Variants in RAB3C observed in about 807,000 individuals in gnomAD.
RAB3C encodes the protein RAB3C, member RAS oncogene family.
Under a neutral mutation model 26.4 loss-of-function variants are expected in RAB3C, and 17 were observed. The ratio of observed to expected loss-of-function variants is 0.64; its 90% confidence interval spans 0.44 to 0.97. The LOEUF (loss-of-function observed/expected upper bound fraction) is 0.97, where lower values mean the gene tolerates loss of function less well. RAB3C is among the 50% of genes least tolerant of loss of function. The pLI, the probability that RAB3C is intolerant of heterozygous loss-of-function variation, is 0.00. For missense variants in RAB3C, 242 were observed against 281.9 expected (o/e 0.86, Z 1.01); for synonymous variants, 91 against 95.9 (o/e 0.95, Z 0.30).
chr5:58,610,830 T>G (rs1579815422), intron 1 of RAB3C, among the ~76,000 whole-genome samples: 1 of 152,254 alleles, frequency 6.6e-6, no homozygotes, highest in East Asian at 1.9e-4. Context: ...TGGAGTTTGT[T>G]GTACAGATTA....
At chr5:58,793,521 C>A (rs1742576540) in intron 3 of RAB3C, among the ~76,000 whole-genome samples, 1 of 145,076 alleles carries the variant, frequency 6.9e-6, no homozygotes, top group Admixed American at 6.9e-5. Context: ...CGTGCCGCTG[C>A]ACTCCACCTC....
intron 2 of RAB3C, among the ~76,000 whole-genome samples, chr5:58,717,991 A>G (rs1001331949): frequency 4.6e-5 from 7 of 152,124 alleles, no homozygotes; most frequent in Non-Finnish European, 1.0e-4. Context: ...AGTCCCATTC[A>G]AAAGCCTGTT....
At chr5:58,621,703 G>A (rs1419577428) in intron 2 of RAB3C, among the ~76,000 whole-genome samples, 4 of 152,154 alleles carry the variant, frequency 2.6e-5, no homozygotes, top group African/African-American at 9.7e-5. Flanking sequence ...AGCCTCCAGA[G>A]TAGCTGGGAT....
intron 2 of RAB3C, among the ~76,000 whole-genome samples, chr5:58,708,061 G>A (rs1276727104): frequency 2.7e-5 from 4 of 150,522 alleles, no homozygotes; most frequent in African/African-American, 9.8e-5. Flanking sequence ...TACAATCACA[G>A]CTCACTGTAG....
intron 1 of RAB3C, among the ~76,000 whole-genome samples, chr5:58,599,840 G>T (rs1179112516): frequency 6.6e-6 from 1 of 152,062 alleles, no homozygotes; most frequent in Non-Finnish European, 1.5e-5. Context: ...ATGTGCAAAA[G>T]CTCTTTAGTT....
intron 1 of RAB3C, among the ~76,000 whole-genome samples, chr5:58,596,325 A>G (rs903804632): frequency 6.6e-6 from 1 of 151,530 alleles, no homozygotes; most frequent in Non-Finnish European, 1.5e-5. Flanking sequence ...ATTCACTTTC[A>G]GATTCCAAAC....
At chr5:58,614,695 G>C (rs1746787919) in intron 1 of RAB3C, among the ~76,000 whole-genome samples, 1 of 151,872 alleles carries the variant, frequency 6.6e-6, no homozygotes, top group African/African-American at 2.4e-5. Context: ...TGCTGTCCCA[G>C]TTGTGCTTGT....
At chr5:58,615,474 A>G (rs1746803981) in intron 1 of RAB3C, among the ~76,000 whole-genome samples, 3 of 152,216 alleles carry the variant, frequency 2.0e-5, no homozygotes, top group Admixed American at 6.5e-5. Flanking sequence ...CTGCAGGAAT[A>G]GCACTGCCAA....
intron 2 of RAB3C, among the ~76,000 whole-genome samples, chr5:58,711,098 G>A (rs539103010): frequency 5.9e-5 from 9 of 152,288 alleles, no homozygotes; most frequent in East Asian, 1.9e-4. Context: ...ATTTAATTGC[G>A]TATTTCATCT....
At chr5:58,846,687 A>T (rs1347844395) in intron 4 of RAB3C, among the ~76,000 whole-genome samples, 1 of 151,982 alleles carries the variant, frequency 6.6e-6, no homozygotes, top group African/African-American at 2.4e-5. Context: ...CCCATAATTT[A>T]GGTGATTCTA....
At chr5:58,662,374 T>G (rs898647526) in intron 2 of RAB3C, among the ~76,000 whole-genome samples, 1 of 150,162 alleles carries the variant, frequency 6.7e-6, no homozygotes, top group African/African-American at 2.5e-5. Context: ...CAGAACATGC[T>G]GAACTTGAAT....
chr5:58,705,769 C>G (rs1223815381), intron 2 of RAB3C, among the ~76,000 whole-genome samples: 1 of 152,146 alleles, frequency 6.6e-6, no homozygotes, highest in African/African-American at 2.4e-5. Flanking sequence ...CTCCCTCTGT[C>G]TTTCTTTAGA....
intron 2 of RAB3C, among the ~76,000 whole-genome samples, chr5:58,678,841 G>A (rs1748286877): frequency 6.6e-6 from 1 of 152,088 alleles, no homozygotes; most frequent in Non-Finnish European, 1.5e-5. Context: ...GACTAAAAGG[G>A]CATATTCTAA....
At chr5:58,621,671 G>C (rs1186661272) in intron 2 of RAB3C, among the ~76,000 whole-genome samples, 1 of 152,164 alleles carries the variant, frequency 6.6e-6, no homozygotes, top group Non-Finnish European at 1.5e-5. Flanking sequence ...TGCCTCCCAG[G>C]TTCAAGCAAT....
chr5:58,583,292 C>G (rs1745944499), intron 1 of RAB3C, 60 bp downstream of exon 1: 5 of 1,610,098 alleles, frequency 3.1e-6, no homozygotes, highest in Admixed American at 3.4e-5. Flanking sequence ...TTTCCCCTTG[C>G]TCCGCGCACA....
chr5:58,596,538 T>C (rs1390954653), intron 1 of RAB3C, among the ~76,000 whole-genome samples: 2 of 127,404 alleles, frequency 1.6e-5, no homozygotes, highest in African/African-American at 5.8e-5. Flanking sequence ...TATATAAATA[T>C]ATAATACTAT....
chr5:58,810,325 A>G (rs1743039135), intron 3 of RAB3C, among the ~76,000 whole-genome samples: 1 of 151,956 alleles, frequency 6.6e-6, no homozygotes, highest in Non-Finnish European at 1.5e-5. Context: ...AGTGGTCAAG[A>G]GACAAAAGTG....
intron 2 of RAB3C, among the ~76,000 whole-genome samples, chr5:58,693,347 T>TATATATATATACAC (rs1748617490): frequency 7.3e-6 from 1 of 137,830 alleles, no homozygotes; most frequent in African/African-American, 3.0e-5. Flanking sequence ...TATATATATA[T>TATATATATATACAC]ATATATATAT....
At chr5:58,742,031 A>G (rs1741286668) in intron 3 of RAB3C, 1 of 151,952 alleles carries the variant, frequency 6.6e-6, no homozygotes, top group Non-Finnish European at 1.5e-5. Context: ...TAAGTTAAAG[A>G]TAGAGTTTTT....
Sources: allele counts gnomAD v4.1 joint callset (sites outside exome capture counted in the v4.1 genomes callset), GRCh38; gene constraint gnomAD v4.1.1; transcripts MANE v1.5; gene names NCBI Gene and HGNC (gene_info 2026-07-23, HGNC 2026-07-21).